The following PDXDC1 variants were observed in gnomAD, a reference collection of about 807,000 sequenced individuals.
The protein encoded by PDXDC1 is pyridoxal dependent decarboxylase domain containing 1, also known as pyridoxal-dependent decarboxylase domain-containing protein 1.
PDXDC1 carries 42 observed loss-of-function variants against 100.1 expected under a neutral mutation model. The ratio of observed to expected loss-of-function variants is 0.42; its 90% CI spans 0.33 to 0.54. The LOEUF (loss-of-function observed/expected upper bound fraction) is 0.54. Ranked by LOEUF, PDXDC1 falls within the 20% of genes least tolerant of loss-of-function variation. The pLI is 0.10. For synonymous variants in PDXDC1, 260 were observed against 371.7 expected (o/e 0.70, Z 3.46); for missense variants, 636 against 979.2 (o/e 0.65, Z 4.68).
intron 16 of PDXDC1, among the ~76,000 whole-genome samples, chr16:15,046,913 C>T (rs1377636138): frequency 2.0e-5 from 3 of 151,998 alleles, no homozygotes; most frequent in African/African-American, 4.8e-5. Context: ...CTACATGCCT[C>T]GCCCCCTAGC....
the PDXDC1 span, among the ~76,000 whole-genome samples, chr16:15,146,959 C>A: frequency 0.05 from 7,653 of 152,066 alleles, 361 homozygotes; most frequent in African/African-American, 0.12. Flanking sequence ...GAAGTGGAGG[C>A]GCTGGGACGT....
intron 16 of PDXDC1, among the ~76,000 whole-genome samples, chr16:15,065,867 G>C (rs2044947924): frequency 6.6e-6 from 1 of 152,230 alleles, no homozygotes; most frequent in Non-Finnish European, 1.5e-5. Flanking sequence ...CTGAAGGAGG[G>C]ACACGGGGTT....
In PDXDC1 at chr16:15,038,030, T is replaced by TTTAACTTCCTGGAG. The variant is rs2043602238; in HGVS notation, c.*1756_*1769dup. The TTTAACTTCCTGGAG allele has an allele frequency of 6.2e-7, 1 of 1,609,230 alleles. No homozygotes were observed. The highest frequency in any genetic ancestry group is 8.5e-7 in the Non-Finnish European group (1 of 1,178,110). The stretch of plus-strand genomic sequence containing the variant: ...GTGCTTTCTTTGGTAATTCATGTTT[T>TTTAACTTCCTGGAG]TTAACTTCCTGGAGAAGAGATCTTT... On this transcript the variant is annotated 3_prime_UTR_variant, in exon 23 of 23. Transcript: ENST00000396410.
intron 16 of PDXDC1, among the ~76,000 whole-genome samples, chr16:15,055,097 A>T (rs761593364): frequency 1.2e-4 from 19 of 152,162 alleles, no homozygotes; most frequent in Non-Finnish European, 2.5e-4. Flanking sequence ...TAGGGGCTCG[A>T]TATTTGACTC....
At chr16:15,021,642 G>A (rs1399155310) in intron 12 of PDXDC1, among the ~76,000 whole-genome samples, 2 of 152,282 alleles carry the variant, frequency 1.3e-5, no homozygotes, top group African/African-American at 4.8e-5. Context: ...CTTCCTGCAG[G>A]CAGAACCGTA....
intron 5 of PDXDC1, among the ~76,000 whole-genome samples, chr16:15,005,786 A>G (rs1336615142): frequency 2.0e-5 from 3 of 152,236 alleles, no homozygotes; most frequent in African/African-American, 7.2e-5. Context: ...TGCACCCTCC[A>G]CCTCCTGGGT....
At chr16:14,984,434 TGAGAGAGA>T (rs144320095) in intron 1 of PDXDC1, among the ~76,000 whole-genome samples, 135 of 104,562 alleles carry the variant, frequency 1.3e-3, no homozygotes, top group African/African-American at 4.1e-3. Context: ...CACATAAAAG[TGAGAGAGA>T]GAGAGAGAGA....
At chr16:15,033,010 G>A in intron 18 of PDXDC1, 31 bp downstream of exon 18, 1 of 1,309,958 alleles carries the variant, frequency 7.6e-7, no homozygotes, top group Non-Finnish European at 1.1e-6. Context: ...TCAGCTGTGG[G>A]GTTTGGAAGG....
chr16:14,989,930 C>G, intron 1 of PDXDC1: 1 of 1,487,362 alleles, frequency 6.7e-7, no homozygotes, highest in Non-Finnish European at 8.9e-7. Flanking sequence ...CGCCGCGCTC[C>G]CGCAGGCCGC....
rs1033748564 is a variant in PDXDC1, at chr16:15,032,903, T to C, written c.1614T>C (p.Asp538=). 1.4e-5 allele frequency: 23 copies of C among 1,612,044 alleles called. No individual in the cohort carries two copies. Among genetic ancestry groups the C allele is most frequent in the Admixed American group, 1.2e-4 (7 of 60,010 alleles). ...ANDDKSSLKS[D]PEGENIHAGL... is the part of the protein sequence containing the mutation. Reference sequence around the variant, plus strand: ...ATGATAAGAGCAGTTTGAAATCAGATCCCGAAGGGGAAAACATCCATGCTG... The same window carrying C: ...ATGATAAGAGCAGTTTGAAATCAGACCCCGAAGGGGAAAACATCCATGCTG... The change falls in exon 18 of 23, where the codon GAT becomes GAC. Residue 538 remains aspartate (D), a synonymous_variant. Transcript: ENST00000396410.
At chr16:15,002,608 A>G (rs1400053406) in intron 4 of PDXDC1, among the ~76,000 whole-genome samples, 8 of 152,288 alleles carry the variant, frequency 5.3e-5, no homozygotes, top group Non-Finnish European at 1.5e-5. Context: ...GCTGCAGCAA[A>G]CAACTTTCGA....
At chr16:15,143,724 C>T (rs942207936), downstream of PDXDC1, among the ~76,000 whole-genome samples, 4 of 152,216 alleles carry the variant, frequency 2.6e-5, no homozygotes, top group African/African-American at 9.6e-5. Context: ...GGGTGTGGGG[C>T]AGCTCCCGGG....
At chr16:15,035,582 G>C (rs1265731520) in intron 22 of PDXDC1, 29 bp downstream of exon 22, 1 of 1,382,138 alleles carries the variant, frequency 7.2e-7, no homozygotes, top group Non-Finnish European at 1.0e-6. Context: ...CCGAGTTCAG[G>C]TAACAGGTTT....
At chr16:15,057,008 C>T (rs982607064) in intron 16 of PDXDC1, among the ~76,000 whole-genome samples, 5 of 152,134 alleles carry the variant, frequency 3.3e-5, no homozygotes, top group Non-Finnish European at 7.3e-5. Flanking sequence ...GAGCTCTCTT[C>T]TAAAACTTGG....
At chr16:15,003,614 A>G (rs1452181046) in intron 4 of PDXDC1, among the ~76,000 whole-genome samples, 1 of 152,310 alleles carries the variant, frequency 6.6e-6, no homozygotes, top group Admixed American at 6.5e-5. Context: ...ATACTTTAAT[A>G]GGAAATTATT....
chr16:15,087,508 T>C (rs1201264762), intron 16 of PDXDC1, among the ~76,000 whole-genome samples: 1 of 152,112 alleles, frequency 6.6e-6, no homozygotes, highest in African/African-American at 2.4e-5. Context: ...TGTCCCCTTT[T>C]CCCCACCTTA....
chr16:15,068,089 T>G, intron 16 of PDXDC1: 3 of 1,496,900 alleles, frequency 2.0e-6, no homozygotes, highest in Non-Finnish European at 2.7e-6. Context: ...TTCATAGAAA[T>G]TTAACACTCT....
At chr16:15,149,127 C>G in the PDXDC1 span, among the ~76,000 whole-genome samples, 1 of 152,158 alleles carries the variant, frequency 6.6e-6, no homozygotes, top group Admixed American at 6.5e-5. Context: ...AGACACGGGC[C>G]TCTCCTAGGC....
intron 16 of PDXDC1, chr16:15,047,843 C>G: frequency 1.9e-6 from 3 of 1,606,402 alleles, no homozygotes; most frequent in Non-Finnish European, 2.6e-6. Context: ...TCCTTCACCT[C>G]TCTCATCATA....
Sources: allele counts gnomAD v4.1 joint callset (sites outside exome capture counted in the v4.1 genomes callset), GRCh38; gene constraint gnomAD v4.1.1; transcripts MANE v1.5; gene names NCBI Gene and HGNC (gene_info 2026-07-23, HGNC 2026-07-21).